STAG1: variants seen among roughly 807,000 people sequenced by gnomAD.
STAG1 encodes the protein cohesin subunit SA-1.
Under a neutral mutation model 170.9 loss-of-function variants are expected in STAG1, and 26 were observed. The observed-to-expected ratio is 0.15, with a 90% CI of 0.11 to 0.21. STAG1 has a LOEUF of 0.21. Among genes scored for constraint, STAG1 ranks in the 10% least tolerant of loss-of-function variants. STAG1 has a pLI of 1.00. For synonymous variants in STAG1, 514 were observed against 497.7 expected (o/e 1.03, Z -0.44); for missense variants, 964 against 1,509.5 (o/e 0.64, Z 5.99).
At chr3:136,586,482 A>G (rs953380399) in intron 4 of STAG1, among the ~76,000 whole-genome samples, 9 of 152,206 alleles carry the variant, frequency 5.9e-5, no homozygotes. Flanking sequence ...TAACATCAAT[A>G]TATTTGCTAA....
intron 1 of STAG1, among the ~76,000 whole-genome samples, chr3:136,701,035 C>T (rs930428652): frequency 6.6e-6 from 1 of 151,630 alleles, no homozygotes. Flanking sequence ...GCACATGCCA[C>T]CACACTTGGC....
intron 9 of STAG1, among the ~76,000 whole-genome samples, chr3:136,493,830 T>A (rs1207373399): frequency 6.6e-6 from 1 of 151,904 alleles, no homozygotes; most frequent in African/African-American, 2.4e-5. Flanking sequence ...CACACAAGAA[T>A]AAATAAGGGG....
intron 1 of STAG1, among the ~76,000 whole-genome samples, chr3:136,660,424 A>G (rs1941540630): frequency 6.6e-6 from 1 of 152,220 alleles, no homozygotes; most frequent in South Asian, 2.1e-4. Flanking sequence ...CAAACAATTA[A>G]TTCAAGTGAA....
At chr3:136,509,288 A>T (rs1417642850) in intron 7 of STAG1, among the ~76,000 whole-genome samples, 1 of 152,120 alleles carries the variant, frequency 6.6e-6, no homozygotes, top group Non-Finnish European at 1.5e-5. Context: ...TAGGAAATGT[A>T]GCTTTGAGGA....
intron 16 of STAG1, among the ~76,000 whole-genome samples, chr3:136,426,095 G>A (rs528865701): frequency 1.4e-4 from 21 of 150,486 alleles, no homozygotes; most frequent in Non-Finnish European, 2.4e-4. Flanking sequence ...ATTTTTTGGA[G>A]ATTTGCAACA....
intron 1 of STAG1, among the ~76,000 whole-genome samples, chr3:136,722,570 T>C (rs1933344068): frequency 6.6e-6 from 1 of 152,052 alleles, no homozygotes; most frequent in Non-Finnish European, 1.5e-5. Context: ...GGAGAATTAC[T>C]GGGTAATGCT....
chr3:136,603,036 A>C (rs936725414), intron 4 of STAG1, among the ~76,000 whole-genome samples: 1 of 152,146 alleles, frequency 6.6e-6, no homozygotes, highest in Non-Finnish European at 1.5e-5. Context: ...AGGACTCTTG[A>C]ACACAACACG....
chr3:136,553,967 C>A (rs1936510583), intron 5 of STAG1, among the ~76,000 whole-genome samples: 1 of 151,610 alleles, frequency 6.6e-6, no homozygotes, highest in African/African-American at 2.4e-5. Context: ...AAAAGACAGA[C>A]TGAATTAAAA....
chr3:136,486,480 C>G (rs962998297), intron 9 of STAG1, among the ~76,000 whole-genome samples: 2 of 152,132 alleles, frequency 1.3e-5, no homozygotes, highest in Admixed American at 6.5e-5. Flanking sequence ...ATAAAACATC[C>G]AAATCATATC....
At chr3:136,702,131 CAGAGAGACAG>C (rs1559960371) in intron 1 of STAG1, among the ~76,000 whole-genome samples, 2 of 89,606 alleles carry the variant, frequency 2.2e-5, no homozygotes, top group Admixed American at 9.9e-5. Flanking sequence ...GACAGAGAGA[CAGAGAGACAG>C]AGAGACAGAG....
intron 16 of STAG1, among the ~76,000 whole-genome samples, chr3:136,432,157 T>G (rs550670941): frequency 1.3e-5 from 2 of 152,344 alleles, no homozygotes; most frequent in South Asian, 4.1e-4. Context: ...TCTTCATGTT[T>G]TTCTATTGTC....
chr3:136,500,422 T>A, intron 8 of STAG1, 126 bp from the exon 9 acceptor site: 1 of 610,782 alleles, frequency 1.6e-6, no homozygotes, highest in Non-Finnish European at 2.8e-6. Flanking sequence ...TCACTTGTAG[T>A]ACAGATGTGT....
chr3:136,572,388 G>GT (rs1251461071), intron 4 of STAG1, among the ~76,000 whole-genome samples: 1 of 151,988 alleles, frequency 6.6e-6, no homozygotes, highest in East Asian at 1.9e-4. Context: ...GAGCTCAGGA[G>GT]TTTGAGACCA....
intron 5 of STAG1, among the ~76,000 whole-genome samples, chr3:136,543,977 C>G (rs1936028465): frequency 6.6e-6 from 1 of 152,074 alleles, no homozygotes; most frequent in African/African-American, 2.4e-5. Context: ...TACAGGAAGT[C>G]AGATTCCTAC....
intron 5 of STAG1, among the ~76,000 whole-genome samples, chr3:136,542,704 C>T (rs145461731): frequency 2.3e-4 from 34 of 150,942 alleles, no homozygotes; most frequent in Admixed American, 3.3e-4. Flanking sequence ...AGCCTATATG[C>T]TCATAAAGAT....
intron 29 of STAG1, among the ~76,000 whole-genome samples, chr3:136,345,051 A>G (rs1936162361): frequency 6.6e-6 from 1 of 152,112 alleles, no homozygotes; most frequent in African/African-American, 2.4e-5. Flanking sequence ...TCCAGGGGCT[A>G]CGAACTGTTT....
chr3:136,596,609 A>G (rs1243681847), intron 4 of STAG1, among the ~76,000 whole-genome samples: 2 of 152,220 alleles, frequency 1.3e-5, no homozygotes, highest in African/African-American at 4.8e-5. Flanking sequence ...AAAGTAATCA[A>G]TATAAAAAAC....
chr3:136,514,100 T>A (rs1934221248), intron 7 of STAG1, among the ~76,000 whole-genome samples: 1 of 152,232 alleles, frequency 6.6e-6, no homozygotes, highest in Non-Finnish European at 1.5e-5. Context: ...TTCTGAATTC[T>A]CTGTAAGTAG....
At chr3:136,593,940 T>C (rs942425852) in intron 4 of STAG1, among the ~76,000 whole-genome samples, 2 of 152,222 alleles carry the variant, frequency 1.3e-5, no homozygotes, top group African/African-American at 4.8e-5. Flanking sequence ...TTTTAATCAA[T>C]AGTATATGTG....
Sources: allele counts gnomAD v4.1 joint callset (sites outside exome capture counted in the v4.1 genomes callset), GRCh38; gene constraint gnomAD v4.1.1; transcripts MANE v1.5; gene names NCBI Gene and HGNC (gene_info 2026-07-23, HGNC 2026-07-21).